Variants in RBBP8 observed in about 807,000 individuals in gnomAD.
The protein encoded by RBBP8 is DNA endonuclease RBBP8.
RBBP8 carries 88 observed loss-of-function variants against 108.3 expected under a neutral mutation model. That is an observed-to-expected ratio of 0.81 (90% CI 0.68 to 0.97). RBBP8 has a LOEUF of 0.97. Among genes scored for constraint, RBBP8 ranks in the 50% least tolerant of loss-of-function variants. RBBP8 has a pLI of 0.00. For missense variants in RBBP8, 1,023 were observed against 1,049.0 expected (o/e 0.98, Z 0.34); for synonymous variants, 332 against 348.2 (o/e 0.95, Z 0.52).
chr18:22,988,234 C>T (rs1315109026), intron 8 of RBBP8, among the ~76,000 whole-genome samples: 1 of 152,206 alleles, frequency 6.6e-6, no homozygotes, highest in Non-Finnish European at 1.5e-5. Context: ...GCCACTAATA[C>T]CTTTTCAGCC....
chr18:22,982,151 C>T, intron 6 of RBBP8, 67 bp from the exon 7 acceptor site: 5 of 1,509,146 alleles, frequency 3.3e-6, no homozygotes, highest in Non-Finnish European at 4.5e-6. Flanking sequence ...ACTGTAACTC[C>T]ATGCCATGTA....
rs1286305380 is a variant in RBBP8, at chr18:22,993,753, A to G, written c.1845A>G (p.Gln615=). The G allele has an allele frequency of 1.9e-6, 3 of 1,614,046 alleles. No homozygotes were observed. Among genetic ancestry groups the G allele is most frequent in the Non-Finnish European group, 2.5e-6 (3 of 1,180,004 alleles). The change falls in exon 12 of 19, where the codon CAA becomes CAG. Residue 615 remains glutamine, a synonymous_variant. Transcript: ENST00000327155. ...GTTCTCATGAGCCAATAAAAATACA[A>G]ACCAGGTCAGACCATGGAGGATGTG... ...SAGSHEPIKI[Q]TRSDHGGCEL... is the part of the protein sequence containing the mutation.
chr18:22,968,693 T>C, intron 4 of RBBP8, 113 bp from the exon 5 acceptor site: 1 of 793,468 alleles, frequency 1.3e-6, no homozygotes, highest in Non-Finnish European at 2.2e-6. Context: ...ATTAATCTAG[T>C]TGATTTTCAC....
At chr18:23,000,379 A>G (rs1393993723) in intron 14 of RBBP8, among the ~76,000 whole-genome samples, 2 of 152,218 alleles carry the variant, frequency 1.3e-5, no homozygotes, top group Non-Finnish European at 2.9e-5. Context: ...CCTAATTTCT[A>G]GTAATACTAA....
chr18:22,997,547 T>G, intron 13 of RBBP8, 73 bp from the exon 14 acceptor site: 1 of 958,932 alleles, frequency 1.0e-6, no homozygotes, highest in Non-Finnish European at 1.6e-6. Context: ...TACCAAAATG[T>G]TTTGTAAAAA....
At chr18:22,990,045 C>G (rs892213091) in intron 9 of RBBP8, among the ~76,000 whole-genome samples, 1 of 151,964 alleles carries the variant, frequency 6.6e-6, no homozygotes, top group African/African-American at 2.4e-5. Context: ...ATTTTTTTGT[C>G]CTTTCTAGTT....
chr18:22,935,644 G>C (rs1323775568), intron 1 of RBBP8, among the ~76,000 whole-genome samples: 2 of 152,176 alleles, frequency 1.3e-5, no homozygotes, highest in South Asian at 4.1e-4. Context: ...GAAACAATCA[G>C]TTTGCTTTGG....
intron 4 of RBBP8, among the ~76,000 whole-genome samples, chr18:22,964,373 G>GTTTTTTTTTTT (rs71161350): frequency 1.4e-4 from 19 of 139,498 alleles, no homozygotes; most frequent in Non-Finnish European, 2.6e-4. Context: ...GGAGACTTAG[G>GTTTTTTTTTTT]TTTTTTTTTT....
At chr18:22,957,965 A>AAT (rs1912732020) in intron 4 of RBBP8, among the ~76,000 whole-genome samples, 1 of 152,114 alleles carries the variant, frequency 6.6e-6, no homozygotes, top group Non-Finnish European at 1.5e-5. Flanking sequence ...TTTCAACCTT[A>AAT]ATATATATAT....
upstream of RBBP8, among the ~76,000 whole-genome samples, chr18:22,932,639 A>G (rs1910108768): frequency 6.6e-6 from 1 of 152,222 alleles, no homozygotes; most frequent in South Asian, 2.1e-4. Flanking sequence ...ATTTGATTCT[A>G]GTCTATTTTG....
intron 16 of RBBP8, among the ~76,000 whole-genome samples, chr18:23,008,014 A>G (rs552833657): frequency 6.6e-6 from 1 of 151,950 alleles, no homozygotes; most frequent in East Asian, 2.0e-4. Flanking sequence ...GGGTTTCACC[A>G]TGTTAGCCAA....
intron 14 of RBBP8, among the ~76,000 whole-genome samples, chr18:22,999,028 A>T (rs2045904438): frequency 1.3e-5 from 2 of 152,338 alleles, no homozygotes; most frequent in East Asian, 1.9e-4. Context: ...GAAAAGAGAA[A>T]ATCTAAAGTA....
At chr18:22,936,538 A>G (rs1341293075) in intron 1 of RBBP8, among the ~76,000 whole-genome samples, 2 of 152,188 alleles carry the variant, frequency 1.3e-5, no homozygotes. Context: ...TTTGCCTGAA[A>G]ATTTACCTCA....
rs1424193505 is a variant in RBBP8 at position 22,984,923 on chromosome 18, A to G, written c.642A>G (p.Gln214=). ...TTTCCAAGTCTTCAACTCATCCACA[A>G]CATAATCCTAATGAAAATGAAATTC... The part of the protein sequence containing the change: ...RKVSKSSTHP[Q]HNPNENEILV... The change falls in exon 8 of 19, where the codon CAA becomes CAG. Residue 214 remains glutamine (Q), a synonymous_variant. Transcript: ENST00000327155. The G allele has an allele frequency of 3.1e-6, 5 of 1,611,202 alleles. No homozygotes were observed. Among genetic ancestry groups the G allele is most frequent in the Admixed American group, 3.3e-5 (2 of 59,956 alleles).
At chr18:23,009,064 C>T (rs962725636) in intron 16 of RBBP8, among the ~76,000 whole-genome samples, 2 of 152,074 alleles carry the variant, frequency 1.3e-5, no homozygotes, top group African/African-American at 2.4e-5. Flanking sequence ...TGAGCCACCT[C>T]ACCCGGCCAT....
chr18:23,014,115 CAGCCTCCCA>C (rs1291596619), intron 16 of RBBP8, among the ~76,000 whole-genome samples: 1 of 152,172 alleles, frequency 6.6e-6, no homozygotes, highest in African/African-American at 2.4e-5. Flanking sequence ...TCTCGTGCCT[CAGCCTCCCA>C]AGTAGCTGGG....
intron 5 of RBBP8, among the ~76,000 whole-genome samples, chr18:22,971,903 C>G (rs1162464980): frequency 1.3e-5 from 2 of 150,868 alleles, no homozygotes; most frequent in African/African-American, 2.4e-5. Context: ...CCTCGGCCTC[C>G]CAAAGTGCTG....
At chr18:22,986,013 G>C (rs1453556061) in intron 8 of RBBP8, among the ~76,000 whole-genome samples, 3 of 133,826 alleles carry the variant, frequency 2.2e-5, no homozygotes, top group African/African-American at 8.7e-5. Context: ...TCCCTTCCCT[G>C]CTGGAATTTT....
chr18:23,017,741 CTTTTTTTTT>C (rs928545363), intron 17 of RBBP8, among the ~76,000 whole-genome samples: 38 of 89,188 alleles, frequency 4.3e-4, no homozygotes, highest in African/African-American at 1.5e-3. Context: ...AATATAAGTT[CTTTTTTTTT>C]TTTTTTTTTT....
Sources: allele counts gnomAD v4.1 joint callset (sites outside exome capture counted in the v4.1 genomes callset), GRCh38; gene constraint gnomAD v4.1.1; transcripts MANE v1.5; gene names NCBI Gene and HGNC (gene_info 2026-07-23, HGNC 2026-07-21).